CELF2: variants seen among roughly 807,000 people sequenced by gnomAD.
CELF2 encodes CUG triplet repeat RNA-binding protein 2.
A neutral mutation model predicts 62.6 loss-of-function variants in CELF2; 8 were observed. The ratio of observed to expected loss-of-function variants is 0.13; its 90% CI spans 0.07 to 0.23. The LOEUF (loss-of-function observed/expected upper bound fraction) is 0.23. Ranked by LOEUF, CELF2 falls within the 10% of genes least tolerant of loss-of-function variation. The pLI is 1.00. For synonymous variants in CELF2, 258 were observed against 250.0 expected (o/e 1.03, Z -0.30); for missense variants, 333 against 671.0 (o/e 0.50, Z 5.56).
the CELF2 span, among the ~76,000 whole-genome samples, chr10:10,521,758 G>T: frequency 8.7e-4 from 133 of 152,274 alleles, no homozygotes; most frequent in Middle Eastern, 0.01. Context: ...TAAAGCAAAA[G>T]ACATGACAGT....
chr10:11,222,850 G>A (rs758489375), intron 3 of CELF2, among the ~76,000 whole-genome samples: 10 of 152,166 alleles, frequency 6.6e-5, no homozygotes, highest in Non-Finnish European at 1.2e-4. Flanking sequence ...ATGTAGATAC[G>A]TTATCACATG....
rs1242303060 is a variant in CELF2 at position 11,311,995 on chromosome 10, G to A, written c.977-2144G>A. Among the ~76,000 whole-genome samples the A allele has an allele frequency of 6.6e-6, 1 of 152,160 alleles. No individual in the cohort carries two copies. Among genetic ancestry groups the A allele is most frequent in the Admixed American group, 6.5e-5 (1 of 15,274 alleles). The stretch of plus-strand genomic sequence containing the variant: ...GAAAATAAAAATCAATCTAAACTTG[G>A]AAGCACCATAGTGATAAATGCAGAA... On this transcript the variant is annotated intron_variant, in intron 9 of 12. Transcript: ENST00000633077. This position sits in a 1 kb window ranked among gnomAD's most constrained non-coding sequence, Gnocchi z 4.7.
chr10:11,246,339 C>T lies in CELF2; in HGVS notation c.355-2814C>T, dbSNP rs2075600130. The stretch of plus-strand genomic sequence containing the variant: ...CAGTGGACTCTTTTCAGCAGATGAA[C>T]CTGTATAAGTCTTTCCTGTCTTGAA... On this transcript the variant is annotated intron_variant, in intron 3 of 12. Transcript: ENST00000633077. The surrounding 1 kb of genome is among the most constrained non-coding windows in gnomAD (Gnocchi z 4.6). 6.6e-6 allele frequency among the ~76,000 whole-genome samples: 1 copy of T among 152,080 alleles called. No individual in the cohort carries two copies. The highest frequency in any genetic ancestry group is 2.4e-5 in the African/African-American group (1 of 41,398).
chr10:11,006,035 G>T (rs1274441679), intron 1 of CELF2, among the ~76,000 whole-genome samples: 1 of 152,102 alleles, frequency 6.6e-6, no homozygotes, highest in Non-Finnish European at 1.5e-5. Flanking sequence ...CTCTGTGTTG[G>T]GGGTTCTCTC....
intron 4 of CELF2, among the ~76,000 whole-genome samples, chr10:11,256,645 G>A (rs1260834755): frequency 7.8e-6 from 1 of 127,498 alleles, no homozygotes; most frequent in Non-Finnish European, 1.6e-5. Flanking sequence ...ACTTCTCCCC[G>A]TGGGTGTCTG....
chr10:10,929,379 T>C (rs1175771068), intron 2 of CELF2, among the ~76,000 whole-genome samples: 1 of 152,236 alleles, frequency 6.6e-6, no homozygotes, highest in Admixed American at 6.5e-5. Flanking sequence ...TGTAAAGTAT[T>C]TAGCTCAATG....
At chr10:10,539,283 G>T in the CELF2 span, among the ~76,000 whole-genome samples, 3 of 152,208 alleles carry the variant, frequency 2.0e-5, no homozygotes, top group Non-Finnish European at 4.4e-5. Flanking sequence ...GATAATTTAG[G>T]TCGGAGGACT....
At chr10:10,756,714 C>G in the CELF2 span, among the ~76,000 whole-genome samples, 5 of 152,112 alleles carry the variant, frequency 3.3e-5, no homozygotes, top group African/African-American at 1.2e-4. Flanking sequence ...TCTATTCACT[C>G]TATTCCATTC....
intron 1 of CELF2, among the ~76,000 whole-genome samples, chr10:10,806,067 A>C (rs563239877): frequency 1.3e-5 from 2 of 152,338 alleles, no homozygotes; most frequent in Middle Eastern, 3.4e-3. Context: ...TAGATGGTGA[A>C]GTGAGAAGGG....
rs2059972158 is a variant in CELF2, at chr10:10,860,155, TATCTC to T, written c.54-59806_54-59802del. On this transcript the variant is annotated intron_variant, in intron 1 of 13. Coordinates refer to the CELF2 transcript ENST00000636488. ...TTTTCACTTTTGTAAATCATTTTAA[TATCTC>T]ATATAATGGGAGAGCTGGATTTTCA... 2.0e-5 allele frequency among the ~76,000 whole-genome samples: 3 copies of T among 152,322 alleles called. No individual in the cohort carries two copies. In the South Asian group the frequency reaches 6.2e-4, roughly 32 times the overall value.
At chr10:10,894,230 G>A (rs919799391) in intron 1 of CELF2, among the ~76,000 whole-genome samples, 2 of 152,140 alleles carry the variant, frequency 1.3e-5, no homozygotes, top group African/African-American at 4.8e-5. Flanking sequence ...AGTGCAGAGA[G>A]GAGGTATAAT....
chr10:11,235,052 A>G (rs146649789), intron 3 of CELF2, among the ~76,000 whole-genome samples: 1 of 152,236 alleles, frequency 6.6e-6, no homozygotes, highest in South Asian at 2.1e-4. Context: ...CTTGACTCAC[A>G]TACTTGGAAT....
At chr10:10,656,858 A>T in the CELF2 span, among the ~76,000 whole-genome samples, 1 of 151,246 alleles carries the variant, frequency 6.6e-6, no homozygotes, top group Admixed American at 6.6e-5. Context: ...GTACCCTAAA[A>T]CTTAAAGTAT....
In CELF2 at chr10:11,316,176, C is replaced by A. The variant is rs957763768; in HGVS notation, c.1096+1918C>A. On this transcript the variant is annotated intron_variant, in intron 10 of 12. Transcript: ENST00000633077. This position sits in a 1 kb window ranked among gnomAD's most constrained non-coding sequence, Gnocchi z 4.4. ...CACATTTTGCTTCTGGCAAGGACAA[C>A]AGGCTTAAATTGTTTTGCTTTTTAA... is the stretch of plus-strand genomic sequence containing the variant. 1.3e-5 allele frequency among the ~76,000 whole-genome samples: 2 copies of A among 152,242 alleles called. No individual in the cohort carries two copies. Among genetic ancestry groups the A allele is most frequent in the African/African-American group, 4.8e-5 (2 of 41,464 alleles).
At chr10:11,168,026 C>T (rs1457883827) in intron 2 of CELF2, among the ~76,000 whole-genome samples, 2 of 152,190 alleles carry the variant, frequency 1.3e-5, no homozygotes, top group Non-Finnish European at 2.9e-5. Context: ...CCCTGGTGTG[C>T]TGTGTTTCAG....
intron 1 of CELF2, among the ~76,000 whole-genome samples, chr10:10,861,264 G>A (rs541296985): frequency 6.6e-6 from 1 of 152,092 alleles, no homozygotes; most frequent in East Asian, 1.9e-4. Flanking sequence ...TGTAGAGATG[G>A]AATCTCACTG....
chr10:11,120,786 G>A (rs1339050788), intron 1 of CELF2, among the ~76,000 whole-genome samples: 5 of 152,108 alleles, frequency 3.3e-5, no homozygotes, highest in Non-Finnish European at 5.9e-5. Context: ...TGATTTCATA[G>A]ATTACTACCT....
intron 2 of CELF2, among the ~76,000 whole-genome samples, chr10:11,204,628 G>A (rs992831781): frequency 2.0e-4 from 31 of 152,330 alleles, no homozygotes; most frequent in East Asian, 7.7e-4. Context: ...ACAGGAGCAC[G>A]GCAGCGGAAC....
chr10:10,732,520 C>CT, the CELF2 span, among the ~76,000 whole-genome samples: 718 of 110,366 alleles, frequency 6.5e-3, 11 homozygotes, highest in East Asian at 0.02. Context: ...ACTCACTCTC[C>CT]TTTTTTTTTT....
Sources: allele counts gnomAD v4.1 joint callset (sites outside exome capture counted in the v4.1 genomes callset), GRCh38; gene constraint gnomAD v4.1.1; non-coding constraint Gnocchi (gnomAD v3.1); transcripts MANE v1.5; gene names NCBI Gene and HGNC (gene_info 2026-07-23, HGNC 2026-07-21).